CLSTN2: variants seen among roughly 807,000 people sequenced by gnomAD.
CLSTN2 encodes calsyntenin-2.
In CLSTN2, 48 loss-of-function variants were observed where a neutral mutation model predicts 101.2. The observed-to-expected ratio is 0.47, with a 90% confidence interval of 0.38 to 0.60. The LOEUF is 0.60. Ranked by LOEUF, CLSTN2 falls within the 20% of genes least tolerant of loss-of-function variation. CLSTN2 has a pLI of 0.00. For synonymous variants in CLSTN2, 481 were observed against 463.6 expected, an observed-to-expected ratio of 1.04 and a Z score of -0.48; for missense variants, 1,160 against 1,238.2, an observed-to-expected ratio of 0.94 and a Z score of 0.95.
intron 2 of CLSTN2, among the ~76,000 whole-genome samples, chr3:140,276,394 A>G (rs1423004916): frequency 2.0e-5 from 3 of 152,096 alleles, no homozygotes; most frequent in Non-Finnish European, 4.4e-5. Flanking sequence ...CACACCCTTC[A>G]CGGCTCAGTT....
At chr3:140,313,852 A>G (rs1286420352) in intron 2 of CLSTN2, among the ~76,000 whole-genome samples, 3 of 152,226 alleles carry the variant, frequency 2.0e-5, no homozygotes, top group Non-Finnish European at 2.9e-5. Context: ...GGAAGGTGAC[A>G]TCTGCCAGTT....
intron 1 of CLSTN2, among the ~76,000 whole-genome samples, chr3:139,978,780 GA>G (rs1403543559): frequency 4.5e-4 from 68 of 151,740 alleles, no homozygotes; most frequent in Admixed American, 1.3e-4. Flanking sequence ...GCCAAGAGGT[GA>G]AAAATTAGGT....
At chr3:140,023,088 C>T (rs1315318901) in intron 1 of CLSTN2, among the ~76,000 whole-genome samples, 3 of 152,134 alleles carry the variant, frequency 2.0e-5, no homozygotes, top group African/African-American at 7.2e-5. Flanking sequence ...GGTTATCCTG[C>T]CTGGCTCCTG....
At chr3:140,260,584 TAC>T (rs2086642750) in intron 2 of CLSTN2, among the ~76,000 whole-genome samples, 1 of 152,204 alleles carries the variant, frequency 6.6e-6, no homozygotes, top group Non-Finnish European at 1.5e-5. Flanking sequence ...GAGAAGGCAG[TAC>T]AGTTTTCATA....
intron 1 of CLSTN2, among the ~76,000 whole-genome samples, chr3:140,025,244 G>C (rs979003237): frequency 6.6e-6 from 1 of 152,084 alleles, no homozygotes; most frequent in East Asian, 1.9e-4. Context: ...TTTTATTCCT[G>C]GGTGTGCTGA....
At chr3:140,480,631 C>CACCA (rs1934093859) in intron 8 of CLSTN2, among the ~76,000 whole-genome samples, 1 of 152,132 alleles carries the variant, frequency 6.6e-6, no homozygotes, top group African/African-American at 2.4e-5. Context: ...TTTTAATGAT[C>CACCA]ACCATTCTCA....
In CLSTN2 at chr3:139,935,554, G is replaced by A. The variant is rs537196191; in HGVS notation, c.109+71G>A. On this transcript the variant is annotated intron_variant, in intron 1 of 16. Coordinates refer to ENST00000458420, the MANE Select transcript of CLSTN2 (RefSeq NM_022131.3). The surrounding 1 kb of genome is among the most constrained non-coding windows in gnomAD (Gnocchi z 5.5). ...CAGGCTTGAGGGTGAAAGCGGCAAG[G>A]ACCTAGGCTCAAGCTGGATTTGCCC... 2.5e-6 allele frequency: 2 copies of A among 794,168 alleles called. No homozygotes were observed. The highest frequency in any genetic ancestry group is 2.8e-4 in the Middle Eastern group (1 of 3,582). 49.2% of individuals were successfully genotyped at this position (794,168 alleles called of 1,614,324 possible).
chr3:140,520,938 T>C (rs1477043242), intron 8 of CLSTN2, among the ~76,000 whole-genome samples: 1 of 152,340 alleles, frequency 6.6e-6, no homozygotes, highest in East Asian at 1.9e-4. Context: ...CCACTTGGTC[T>C]ATTCTGTTAT....
At chr3:140,479,790 T>C (rs2107750854) in intron 8 of CLSTN2, among the ~76,000 whole-genome samples, 1 of 152,196 alleles carries the variant, frequency 6.6e-6, no homozygotes, top group African/African-American at 2.4e-5. Context: ...AGGCATTAAA[T>C]AATTAATTGA....
At position 140,166,756 on chromosome 3, in the gene CLSTN2, G is replaced by A. The variant is rs539106680; in HGVS notation, c.110-9195G>A. The stretch of plus-strand genomic sequence containing the variant: ...ACACTGGTGTTTCCTCTGCATGAGT[G>A]CAAAGACACGGGCATTTTCCAAATG... On this transcript the variant is annotated intron_variant, in intron 1 of 16. Transcript: ENST00000458420. Among the ~76,000 whole-genome samples the A allele has an allele frequency of 3.3e-5, 5 of 152,252 alleles. No homozygotes were observed. In the South Asian group the frequency reaches 1.0e-3, roughly 32 times the overall value.
At chr3:140,404,857 G>A (rs1302883897) in intron 4 of CLSTN2, 91 bp downstream of exon 4, 10 of 1,074,694 alleles carry the variant, frequency 9.3e-6, no homozygotes, top group Non-Finnish European at 1.3e-5. Flanking sequence ...AATATGCTTG[G>A]CAAGTTATGC....
At chr3:140,021,229 T>G (rs891334945) in intron 1 of CLSTN2, among the ~76,000 whole-genome samples, 1 of 152,190 alleles carries the variant, frequency 6.6e-6, no homozygotes, top group Non-Finnish European at 1.5e-5. Context: ...TACACACTCT[T>G]AAGTACTCTG....
At chr3:140,171,669 AATATGTATTATATATAAT>A (rs1389802491) in intron 1 of CLSTN2, among the ~76,000 whole-genome samples, 1,101 of 34,694 alleles carry the variant, frequency 0.032, 35 homozygotes, top group East Asian at 0.11. Context: ...TATTATATAT[AATATGTATTATATATAAT>A]ATATATTAAT....
At chr3:140,332,328 A>G (rs996528858) in intron 2 of CLSTN2, among the ~76,000 whole-genome samples, 1 of 152,192 alleles carries the variant, frequency 6.6e-6, no homozygotes, top group African/African-American at 2.4e-5. Context: ...GAAAAAAGAG[A>G]TGAAGCTGGG....
chr3:140,059,611 G>A (rs754424319), intron 1 of CLSTN2, among the ~76,000 whole-genome samples: 1 of 152,114 alleles, frequency 6.6e-6, no homozygotes, highest in Non-Finnish European at 1.5e-5. Context: ...CCCCTCTGAG[G>A]ATGGCAGGGT....
intron 1 of CLSTN2, among the ~76,000 whole-genome samples, chr3:139,987,907 C>T (rs143423319): frequency 1.4e-4 from 21 of 152,306 alleles, no homozygotes; most frequent in South Asian, 6.2e-4. Flanking sequence ...GCCACAGTTA[C>T]GCCAAACCAC....
rs146258170 is a variant in CLSTN2, at chr3:140,297,778, T to C, written c.233-105851T>C. On this transcript the variant is annotated intron_variant, in intron 2 of 16. Transcript: ENST00000458420. ...GGGAAGCTATGTGACTCTACACAAA[T>C]GACATTTTCCTTAGCCTATGTGGCT... Among the ~76,000 whole-genome samples the C allele has an allele frequency of 2.0e-5, 3 of 152,308 alleles. No homozygotes were observed. In the East Asian group the frequency reaches 5.8e-4, roughly 29 times the overall value.
intron 2 of CLSTN2, among the ~76,000 whole-genome samples, chr3:140,377,988 C>G (rs1198395265): frequency 6.6e-6 from 1 of 152,124 alleles, no homozygotes; most frequent in African/African-American, 2.4e-5. Flanking sequence ...TGAGCCTTTT[C>G]TATGTTTAGG....
Position 140,058,489 on chromosome 3 carries a change from C to T in CLSTN2, c.110-117462C>T, listed in dbSNP as rs559789935. ...AGTAATAGAATTTGCATGCCTGGAG[C>T]GGAGATCTTCATGGTGAAAGCTTGA... On this transcript the variant is annotated intron_variant, in intron 1 of 16. Coordinates refer to ENST00000458420, the MANE Select transcript of CLSTN2 (RefSeq NM_022131.3). Among the ~76,000 whole-genome samples the T allele has an allele frequency of 6.2e-4, 94 of 152,218 alleles. 1 individual carries two copies. The highest frequency in any genetic ancestry group is 2.0e-3 in the African/African-American group (82 of 41,516).
Sources: gnomAD v4.1 joint callset for allele counts (sites outside exome capture counted in the v4.1 genomes callset) on GRCh38, gnomAD v4.1.1 for gene constraint, Gnocchi (gnomAD v3.1) non-coding constraint, MANE v1.5 for transcripts, NCBI Gene and HGNC (gene_info 2026-07-23, HGNC 2026-07-21) for gene names.